Variants in NDUFA13 observed in about 807,000 individuals in gnomAD.
NDUFA13 encodes NADH:ubiquinone oxidoreductase subunit A13.
A neutral mutation model predicts 17.0 loss-of-function variants in NDUFA13; 16 were observed. That is an observed-to-expected ratio of 0.94 (90% CI 0.64 to 1.43). NDUFA13 has a LOEUF of 1.43. NDUFA13 is among the 40% of genes most tolerant of loss of function. The pLI, the probability that NDUFA13 is intolerant of heterozygous loss-of-function variation, is 0.00. For synonymous variants in NDUFA13, 87 were observed against 78.4 expected (o/e 1.11, Z -0.58); for missense variants, 228 against 206.7 (o/e 1.10, Z -0.63).
At chr19:19,526,104 A>T (rs2061098276) in intron 1 of NDUFA13, 78 bp from the exon 2 acceptor site, 3 of 1,579,038 alleles carry the variant, frequency 1.9e-6, no homozygotes, top group Non-Finnish European at 2.6e-6. Flanking sequence ...CCCTGATTGC[A>T]GAGTGGGCAG....
At chr19:19,526,667 G>A (rs1372636595) in intron 2 of NDUFA13, 2 of 338,458 alleles carry the variant, frequency 5.9e-6, no homozygotes, top group African/African-American at 2.1e-5. Context: ...TGTCAGAGGT[G>A]ACCAGGCTCA....
At chr19:19,522,775 G>A (rs2061084012) in intron 1 of NDUFA13, among the ~76,000 whole-genome samples, 1 of 152,136 alleles carries the variant, frequency 6.6e-6, no homozygotes, top group Non-Finnish European at 1.5e-5. Flanking sequence ...ACTGCGCCCG[G>A]CAGGTCTTTG....
intron 1 of NDUFA13, among the ~76,000 whole-genome samples, chr19:19,523,822 C>A (rs1419274496): frequency 6.6e-6 from 1 of 152,176 alleles, no homozygotes. Flanking sequence ...TCCAGCTATT[C>A]AGGAAGCTGA....
intron 1 of NDUFA13, among the ~76,000 whole-genome samples, chr19:19,523,594 G>T (rs1172595227): frequency 6.6e-6 from 1 of 152,056 alleles, no homozygotes; most frequent in East Asian, 1.9e-4. Context: ...AAGTAGGTGG[G>T]ACCACAGATA....
intron 1 of NDUFA13, among the ~76,000 whole-genome samples, chr19:19,516,874 G>A (rs1282334906): frequency 6.6e-6 from 1 of 152,016 alleles, no homozygotes; most frequent in African/African-American, 2.4e-5. Context: ...CGCAACCTCC[G>A]CCTCCTGGGT....
chr19:19,521,894 G>A (rs149294832), intron 1 of NDUFA13, among the ~76,000 whole-genome samples: 2 of 152,092 alleles, frequency 1.3e-5, no homozygotes, highest in African/African-American at 4.8e-5. Context: ...GAGCCACTGC[G>A]CCCGGCTTAG....
intron 2 of NDUFA13, chr19:19,526,729 G>A (rs1044279939): frequency 3.4e-6 from 1 of 293,464 alleles, no homozygotes. Context: ...ACTAGGGCCA[G>A]GCGCCCCCCT....
intron 1 of NDUFA13, among the ~76,000 whole-genome samples, chr19:19,519,578 G>T (rs1274345512): frequency 6.6e-6 from 1 of 152,184 alleles, no homozygotes; most frequent in Non-Finnish European, 1.5e-5. Flanking sequence ...ATTGTTGAGT[G>T]AGCACATGGT....
At chr19:19,522,200 G>A (rs1425291412) in intron 1 of NDUFA13, among the ~76,000 whole-genome samples, 1 of 151,814 alleles carries the variant, frequency 6.6e-6, no homozygotes, top group Non-Finnish European at 1.5e-5. Context: ...AGCTACTCAG[G>A]AGGCTGAGGC....
Position 19,516,311 on chromosome 19 carries a change from T to A in NDUFA13, c.73T>A (p.Leu25Met). The change falls in exon 1 of 5, where the codon TTG becomes ATG. Residue 25 changes from leucine to methionine, a missense_variant. Transcript: ENST00000507754. ...GYGPIDYKRN[L>M]PRRGLSGYSM... ...TGGGCCCATCGACTACAAACGGAAC[T>A]TGCCGCGTCGAGGACTGTCGGGTCA... 6.2e-7 allele frequency: 1 copy of A among 1,613,674 alleles called. No individual in the cohort carries two copies. Among genetic ancestry groups the A allele is most frequent in the Non-Finnish European group, 8.5e-7 (1 of 1,180,010 alleles).
intron 1 of NDUFA13, among the ~76,000 whole-genome samples, chr19:19,523,774 C>G (rs974097525): frequency 6.6e-6 from 1 of 152,062 alleles, no homozygotes; most frequent in Admixed American, 6.6e-5. Context: ...CTAAAAAATA[C>G]AAAAATTTAG....
chr19:19,527,808 G>A (rs1219963196), intron 4 of NDUFA13, 38 bp downstream of exon 4: 1 of 1,543,246 alleles, frequency 6.5e-7, no homozygotes, highest in South Asian at 1.2e-5. Flanking sequence ...GCCAGCCACG[G>A]CAGAGACAGG....
At chr19:19,516,376 G>A (rs2061048775) in intron 1 of NDUFA13, 44 bp downstream of exon 1, 1 of 1,604,324 alleles carries the variant, frequency 6.2e-7, no homozygotes, top group African/African-American at 1.3e-5. Context: ...TGGGCACTCG[G>A]GGCTCGGGGG....
chr19:19,528,025 C>G lies in NDUFA13; in HGVS notation c.334C>G (p.His112Asp). 1 of 1,612,748 alleles carries G rather than the reference C, an allele frequency of 6.2e-7. No homozygotes were observed. Among genetic ancestry groups the G allele is most frequent in the Non-Finnish European group, 8.5e-7 (1 of 1,179,964 alleles). The change falls in exon 5 of 5, where the codon CAC becomes GAC. Residue 112 changes from histidine (H) to aspartate (D), a missense_variant. Transcript: ENST00000507754. Reference sequence around the variant, plus strand: ...CCCACAGGTGGGGGAGTCTGTGTTCCACACAACCCGCTGGGTGCCCCCCTT... The same window carrying G: ...CCCACAGGTGGGGGAGTCTGTGTTCGACACAACCCGCTGGGTGCCCCCCTT... ...PDWKVGESVF[H>D]TTRWVPPLIG...
intron 1 of NDUFA13, among the ~76,000 whole-genome samples, chr19:19,518,396 G>A (rs1264824573): frequency 6.7e-6 from 1 of 150,230 alleles, no homozygotes; most frequent in Admixed American, 6.7e-5. Flanking sequence ...CACCACATCC[G>A]GCTAATTTTT....
chr19:19,528,164 C>T lies in NDUFA13; in HGVS notation c.*38C>T, dbSNP rs778072418. On this transcript the variant is annotated 3_prime_UTR_variant, in exon 5 of 5. Coordinates refer to ENST00000507754, the MANE Select transcript of NDUFA13 (RefSeq NM_015965.7). ...CCGGCCACCTGGATCCCTGCCCCTC[C>T]CCACTGGGACGGAATAAATGCTCTG... The T allele has an allele frequency of 6.8e-6, 11 of 1,609,302 alleles. No individual in the cohort carries two copies. In the South Asian group the frequency reaches 1.2e-4, roughly 18 times the overall value.
intron 1 of NDUFA13, among the ~76,000 whole-genome samples, chr19:19,517,834 G>A (rs1600342956): frequency 6.6e-6 from 1 of 152,028 alleles, no homozygotes. Context: ...ACCTCCTCTT[G>A]TTTTTCTTGT....
chr19:19,524,021 G>C, intron 1 of NDUFA13, among the ~76,000 whole-genome samples: 1 of 152,102 alleles, frequency 6.6e-6, no homozygotes, highest in Non-Finnish European at 1.5e-5. Context: ...TCTCACCTCA[G>C]CCTCCCAAAA....
At chr19:19,526,059 CCAAG>C in intron 1 of NDUFA13, 119 bp from the exon 2 acceptor site, 1 of 1,534,670 alleles carries the variant, frequency 6.5e-7, no homozygotes, top group Non-Finnish European at 8.7e-7. Flanking sequence ...GTGTCACAGT[CCAAG>C]CAGCCTCACT....
Sources: allele counts gnomAD v4.1 joint callset (sites outside exome capture counted in the v4.1 genomes callset), GRCh38; gene constraint gnomAD v4.1.1; transcripts MANE v1.5; gene names NCBI Gene and HGNC (gene_info 2026-07-23, HGNC 2026-07-21).